The following MSR1 variants were observed in gnomAD, a reference collection of about 807,000 sequenced individuals.
MSR1 encodes the protein macrophage scavenger receptor 1.
A neutral mutation model predicts 47.2 loss-of-function variants in MSR1; 53 were observed. That is an observed-to-expected ratio of 1.12 (90% confidence interval 0.90 to 1.41). MSR1 has a LOEUF of 1.41. Ranked by LOEUF, MSR1 falls within the 40% of genes most tolerant of loss-of-function variation. The pLI is 0.00. For missense variants in MSR1, 786 were observed against 546.9 expected (o/e 1.44, Z -4.36); for synonymous variants, 239 against 185.6 (o/e 1.29, Z -2.34).
intron 8 of MSR1, chr8:16,120,926 AT>A (rs1033131581): frequency 2.0e-4 from 72 of 367,454 alleles, no homozygotes; most frequent in African/African-American, 1.4e-3. Flanking sequence ...TGTCACTTAG[AT>A]TTTTTCATAC....
chr8:16,113,033 T>C (rs1326349874), intron 9 of MSR1, among the ~76,000 whole-genome samples: 1 of 149,536 alleles, frequency 6.7e-6, no homozygotes, highest in East Asian at 2.0e-4. Flanking sequence ...TCACTGCACT[T>C]CCGCTTCCTG....
At chr8:16,162,436 G>T (rs912206352) in intron 5 of MSR1, among the ~76,000 whole-genome samples, 1 of 152,048 alleles carries the variant, frequency 6.6e-6, no homozygotes, top group Non-Finnish European at 1.5e-5. Context: ...AATGCCCGAG[G>T]TGCTTTTAGA....
intron 9 of MSR1, among the ~76,000 whole-genome samples, chr8:16,111,428 A>C (rs1799753717): frequency 6.6e-6 from 1 of 152,158 alleles, no homozygotes; most frequent in Admixed American, 6.6e-5. Context: ...GGCTACTGTG[A>C]TGCTTTCGAA....
At chr8:16,186,772 C>G (rs555440706) in intron 1 of MSR1, among the ~76,000 whole-genome samples, 3 of 151,840 alleles carry the variant, frequency 2.0e-5, no homozygotes, top group Non-Finnish European at 1.5e-5. Context: ...GCTGGGTCTA[C>G]GGGTGCATGC....
intron 8 of MSR1, among the ~76,000 whole-genome samples, chr8:16,125,481 TTGAA>T (rs1402016004): frequency 6.6e-6 from 1 of 152,184 alleles, no homozygotes; most frequent in Non-Finnish European, 1.5e-5. Context: ...TGCTGATTCA[TTGAA>T]TGTTCATTCT....
intron 4 of MSR1, among the ~76,000 whole-genome samples, chr8:16,167,397 T>C (rs1703666941): frequency 6.6e-6 from 1 of 152,012 alleles, no homozygotes; most frequent in Non-Finnish European, 1.5e-5. Context: ...ATACAGAAAT[T>C]AGCCGGGTGA....
intron 9 of MSR1, among the ~76,000 whole-genome samples, chr8:16,116,849 T>C (rs1799886656): frequency 6.6e-6 from 1 of 152,154 alleles, no homozygotes; most frequent in Non-Finnish European, 1.5e-5. Context: ...TGGCAAAGCT[T>C]CATGCTCAGA....
Position 16,120,458 on chromosome 8 carries a change from T to C in MSR1, c.1182A>G (p.Pro394=). 1 of 1,613,914 alleles carries C rather than the reference T, an allele frequency of 6.2e-7. No individual in the cohort carries two copies. Among genetic ancestry groups the C allele is most frequent in the Non-Finnish European group, 8.5e-7 (1 of 1,179,920 alleles). The change falls in exon 9 of 10, where the codon CCA becomes CCG. Residue 394 remains proline, a synonymous_variant. Coordinates refer to ENST00000262101, the MANE Select transcript of MSR1 (RefSeq NM_138715.3). ...CTGCCTTGTGCACGGCTTGAACACC[T>C]GGGTATCCCAAGCTCCTACAGACGA... ...GQVVCRSLGY[P]GVQAVHKAAH...
At chr8:16,144,120 C>T (rs565964503) in intron 7 of MSR1, among the ~76,000 whole-genome samples, 1 of 152,158 alleles carries the variant, frequency 6.6e-6, no homozygotes, top group Non-Finnish European at 1.5e-5. Flanking sequence ...GTTCACATCT[C>T]CAGGATGATC....
rs1197623419 is a variant in MSR1 at position 16,108,667 on chromosome 8, G to A, written c.*1418C>T. 1 of 152,078 alleles carries A rather than the reference G, an allele frequency of 6.6e-6. No individual in the cohort carries two copies. Among genetic ancestry groups the A allele is most frequent in the Admixed American group, 6.5e-5 (1 of 15,270 alleles). 9.4% of individuals were successfully genotyped at this position (152,078 alleles called of 1,614,324 possible). A position where few individuals can be genotyped will look rare whatever the true frequency, so the allele number is the denominator to read the frequency against. On this transcript the variant is annotated 3_prime_UTR_variant, in exon 10 of 10. Transcript: ENST00000262101. ...AAAATTATGCTGCCAGAGAAAATCA[G>A]CAATGTTAAACAAGTAGAAGAATGT...
chr8:16,117,217 T>A (rs1799896455), intron 9 of MSR1, among the ~76,000 whole-genome samples: 1 of 152,064 alleles, frequency 6.6e-6, no homozygotes, highest in South Asian at 2.1e-4. Context: ...GTCAGATCAG[T>A]GGCAGCATTA....
Position 16,190,855 on chromosome 8 carries a change from G to A in MSR1, c.-5+1743C>T, listed in dbSNP as rs2095125542. 2.0e-5 allele frequency among the ~76,000 whole-genome samples: 3 copies of A among 152,022 alleles called. No individual in the cohort carries two copies. The South Asian group carries it at 6.2e-4, about 32-fold the overall frequency. ...TCCTGCCTCAGACTCCGGAGTAACT[G>A]GGATTACAAGCATGCACCACCACGC... On this transcript the variant is annotated intron_variant, in intron 1 of 9. Transcript: ENST00000262101.
At chr8:16,163,934 G>T in intron 5 of MSR1, 131 bp downstream of exon 5, 6 of 675,478 alleles carry the variant, frequency 8.9e-6, no homozygotes, top group South Asian at 7.9e-5. Flanking sequence ...CTTTCCTTTG[G>T]GTATTTGCAG....
intron 1 of MSR1, among the ~76,000 whole-genome samples, chr8:16,188,960 A>G (rs973714927): frequency 1.3e-5 from 1 of 75,198 alleles, no homozygotes; most frequent in Non-Finnish European, 2.3e-5. Flanking sequence ...ATAATTCAAC[A>G]CACATACATA....
chr8:16,134,618 G>A (rs1169410121), intron 8 of MSR1, among the ~76,000 whole-genome samples: 1 of 152,026 alleles, frequency 6.6e-6, no homozygotes, highest in Admixed American at 6.6e-5. Context: ...CTTAACAACG[G>A]CCTCTAAGTG....
chr8:16,164,753 C>T (rs1801258073), intron 4 of MSR1, among the ~76,000 whole-genome samples: 3 of 151,912 alleles, frequency 2.0e-5, no homozygotes, highest in Non-Finnish European at 2.9e-5. Flanking sequence ...ACCTCGAACT[C>T]GCATATTAAC....
At chr8:16,130,290 T>A (rs1800226174) in intron 8 of MSR1, among the ~76,000 whole-genome samples, 1 of 152,182 alleles carries the variant, frequency 6.6e-6, no homozygotes, top group African/African-American at 2.4e-5. Context: ...TAATTCTGTG[T>A]CCTGCAAGTC....
intron 8 of MSR1, among the ~76,000 whole-genome samples, chr8:16,124,602 C>T (rs1240361396): frequency 1.3e-5 from 2 of 152,120 alleles, no homozygotes; most frequent in East Asian, 3.9e-4. Flanking sequence ...TGGAATGTTC[C>T]TTCTTCCCTT....
rs368333180 is a variant in MSR1, at chr8:16,164,052, C to A, written c.817+13G>T. The stretch of plus-strand genomic sequence containing the variant: ...TATATATCATTTTCTGGAGAAATGA[C>A]AAGACATTTTACCTTGAATTAAAGT... On this transcript the variant is annotated intron_variant, in intron 5 of 9. Transcript: ENST00000262101. 1 of 1,591,506 alleles carries A rather than the reference C, an allele frequency of 6.3e-7. No homozygotes were observed. The highest frequency in any genetic ancestry group is 8.6e-7 in the Non-Finnish European group (1 of 1,163,666).
Sources: gnomAD v4.1 joint callset for allele counts (sites outside exome capture counted in the v4.1 genomes callset) on GRCh38, gnomAD v4.1.1 for gene constraint, MANE v1.5 for transcripts, NCBI Gene and HGNC (gene_info 2026-07-23, HGNC 2026-07-21) for gene names.